Variants in CFAP58 observed in about 807,000 individuals in gnomAD.
CFAP58 encodes cilia and flagella associated protein 58, also known as cilia- and flagella-associated protein 58.
In CFAP58, 88 loss-of-function variants were observed where a neutral mutation model predicts 119.5. That is an observed-to-expected ratio of 0.74 (90% CI 0.62 to 0.88). CFAP58 has a LOEUF of 0.88. CFAP58 is among the 40% of genes least tolerant of loss of function. CFAP58 has a pLI of 0.00. For synonymous variants in CFAP58, 365 were observed against 366.3 expected, an observed-to-expected ratio of 1.00 and a Z score of 0.04; for missense variants, 990 against 1,021.2, an observed-to-expected ratio of 0.97 and a Z score of 0.42.
intron 9 of CFAP58, among the ~76,000 whole-genome samples, chr10:104,389,384 CT>C (rs1457962258): frequency 6.6e-6 from 1 of 152,158 alleles, no homozygotes; most frequent in Non-Finnish European, 1.5e-5. Flanking sequence ...AGAAATGCCC[CT>C]GGCTACCTCC....
Position 104,454,366 on chromosome 10 carries a change from TC to T in CFAP58, c.2511-55del, listed in dbSNP as rs2013243884. On this transcript the variant is annotated intron_variant, in intron 17 of 17. Coordinates refer to ENST00000369704, the MANE Select transcript of CFAP58 (RefSeq NM_001008723.2). ...TAACACACCCTAGGATTATCAAATG[TC>T]AAACTTAGACAAAAAGGATGTTAAG... The T allele has an allele frequency of 4.3e-6, 6 of 1,381,074 alleles. No individual in the cohort carries two copies. In the African/African-American group the frequency reaches 7.1e-5, roughly 16 times the overall value. The allele number at this position is 1,381,074 out of a possible 1,614,324, so 85.6% of individuals were successfully genotyped here.
chr10:104,383,905 T>A (rs1327583525), intron 9 of CFAP58, among the ~76,000 whole-genome samples: 1 of 152,226 alleles, frequency 6.6e-6, no homozygotes, highest in Non-Finnish European at 1.5e-5. Flanking sequence ...AAAGTGAGTA[T>A]ACATTGTTCC....
At chr10:104,438,364 T>TG (rs2012975297) in intron 15 of CFAP58, among the ~76,000 whole-genome samples, 35 of 129,554 alleles carry the variant, frequency 2.7e-4, no homozygotes, top group African/African-American at 1.2e-3. Context: ...TTTTTTTGTT[T>TG]TTTTTTTTTG....
rs56666132 is a variant in CFAP58 at position 104,453,761 on chromosome 10, A to AGTGTGTGTGTGTGTGTGTGT, written c.2511-644_2511-625dup. Among the ~76,000 whole-genome samples, 93 of 138,930 alleles carry AGTGTGTGTGTGTGTGTGTGT rather than the reference A, an allele frequency of 6.7e-4. 1 individual carries two copies. The highest frequency in any genetic ancestry group is 2.1e-3 in the African/African-American group (79 of 37,328). 91.1% of individuals were successfully genotyped at this position (138,930 alleles called of 152,430 possible). A position where few individuals can be genotyped will look rare whatever the true frequency, so the allele number is the denominator to read the frequency against. On this transcript the variant is annotated intron_variant, in intron 17 of 17. Coordinates refer to ENST00000369704, the MANE Select transcript of CFAP58 (RefSeq NM_001008723.2). ...TACTTCTGCAGGAAACATGAATATG[A>AGTGTGTGTGTGTGTGTGTGT]GTGTGTGTGTGTGTGTGTGTGTGTG...
chr10:104,406,816 T>C lies in CFAP58; in HGVS notation c.2256+23T>C, dbSNP rs1261119163. 4 of 1,572,058 alleles carry C rather than the reference T, an allele frequency of 2.5e-6. No homozygotes were observed. In the African/African-American group the frequency reaches 5.4e-5, roughly 21 times the overall value. On this transcript the variant is annotated intron_variant, in intron 15 of 17. Transcript: ENST00000369704. ...CAGGTAGCATTTTTGTTTTCTGTAC[T>C]CATTGTACAAGTCCTTAGCACCACC...
intron 9 of CFAP58, chr10:104,382,392 T>G (rs999763473): frequency 1.9e-6 from 1 of 527,054 alleles, no homozygotes; most frequent in African/African-American, 1.9e-5. Context: ...TTCTTCCTGA[T>G]AAGCAATTTC....
intron 12 of CFAP58, 127 bp downstream of exon 12, chr10:104,399,627 C>A: frequency 8.4e-6 from 8 of 953,834 alleles, no homozygotes; most frequent in Non-Finnish European, 1.2e-5. Flanking sequence ...GCAGCAGAGA[C>A]CCATCTTGTG....
At chr10:104,374,846 C>CAAAAAA (rs56074829) in intron 7 of CFAP58, among the ~76,000 whole-genome samples, 1 of 101,516 alleles carries the variant, frequency 9.9e-6, no homozygotes, top group Non-Finnish European at 2.0e-5. Flanking sequence ...CTTATAACTG[C>CAAAAAA]AAAAAAAAAA....
In CFAP58 at chr10:104,393,521, C is replaced by T. The variant is rs143609667; in HGVS notation, c.1674+46C>T. On this transcript the variant is annotated intron_variant, in intron 11 of 17. Transcript: ENST00000369704. ...GCAAAGTACCAACAGTTCATCAGCC[C>T]GCTCAGGCGGCCTCCAGTCTCACTG... 2.0e-4 allele frequency: 316 copies of T among 1,557,446 alleles called. 1 individual carries two copies. The South Asian group carries it at 2.3e-3, about 11-fold the overall frequency.
At chr10:104,375,792 G>T (rs1019846101) in intron 7 of CFAP58, among the ~76,000 whole-genome samples, 3 of 151,414 alleles carry the variant, frequency 2.0e-5, no homozygotes, top group Non-Finnish European at 4.4e-5. Context: ...ATGGGGTCGG[G>T]GGGGGCTTCC....
chr10:104,409,913 T>A (rs2133054230), intron 15 of CFAP58, among the ~76,000 whole-genome samples: 1 of 152,294 alleles, frequency 6.6e-6, no homozygotes, highest in Non-Finnish European at 1.5e-5. Flanking sequence ...ATTTCTACCT[T>A]CTTATTTTCC....
intron 7 of CFAP58, among the ~76,000 whole-genome samples, chr10:104,376,329 G>C (rs2011661528): frequency 6.6e-6 from 1 of 151,560 alleles, no homozygotes; most frequent in South Asian, 2.1e-4. Context: ...GTCCTCACCT[G>C]TCTTTACTAA....
intron 8 of CFAP58, 83 bp from the exon 9 acceptor site, chr10:104,379,946 T>A: frequency 2.8e-6 from 3 of 1,081,084 alleles, no homozygotes; most frequent in Non-Finnish European, 4.1e-6. Context: ...TCTAATTATG[T>A]TAGAGATGAG....
At chr10:104,354,042 C>G (rs2014506403) in intron 1 of CFAP58, 136 bp downstream of exon 1, 13 of 1,104,662 alleles carry the variant, frequency 1.2e-5, no homozygotes, top group Non-Finnish European at 1.7e-5. Context: ...CTCACTCACT[C>G]CCGCGCCTTT....
At chr10:104,353,544 CTCT>C (rs1314563821), upstream of CFAP58, 2 of 282,062 alleles carry the variant, frequency 7.1e-6, no homozygotes, top group Non-Finnish European at 1.3e-5. Context: ...CCAATTCGCC[CTCT>C]TCTTTCTCCT....
At chr10:104,355,612 A>T (rs1463690496) in intron 1 of CFAP58, among the ~76,000 whole-genome samples, 3 of 152,200 alleles carry the variant, frequency 2.0e-5, no homozygotes, top group Non-Finnish European at 2.9e-5. Context: ...CCCAGAACTT[A>T]GGACAGGACA....
At chr10:104,393,985 T>C (rs916381040) in intron 11 of CFAP58, among the ~76,000 whole-genome samples, 1 of 152,234 alleles carries the variant, frequency 6.6e-6, no homozygotes, top group Non-Finnish European at 1.5e-5. Context: ...TGGTTTACCC[T>C]TGACCAGGTT....
chr10:104,435,934 T>C (rs945113993), intron 15 of CFAP58, among the ~76,000 whole-genome samples: 19 of 152,168 alleles, frequency 1.2e-4, no homozygotes, highest in African/African-American at 4.1e-4. Context: ...GGTATGCACA[T>C]TCATGGTGTG....
At chr10:104,344,342 T>C in the CFAP58 span, among the ~76,000 whole-genome samples, 1 of 152,248 alleles carries the variant, frequency 6.6e-6, no homozygotes, top group Non-Finnish European at 1.5e-5. Flanking sequence ...ACCTAATCTA[T>C]GCCAGGCATT....
Sources: gnomAD v4.1 joint callset for allele counts (sites outside exome capture counted in the v4.1 genomes callset) on GRCh38, gnomAD v4.1.1 for gene constraint, MANE v1.5 for transcripts, NCBI Gene and HGNC (gene_info 2026-07-23, HGNC 2026-07-21) for gene names.